Variants in CCDC93 observed in about 807,000 individuals in gnomAD.
The protein encoded by CCDC93 is coiled-coil domain-containing protein 93.
Under a neutral mutation model 108.2 loss-of-function variants are expected in CCDC93, and 61 were observed. That is an observed-to-expected ratio of 0.56 (90% CI 0.46 to 0.70). The LOEUF is 0.70. Ranked by LOEUF, CCDC93 falls within the 30% of genes least tolerant of loss-of-function variation. The probability of loss-of-function intolerance (pLI) is 0.00; values close to 1 mark genes in which losing one functional copy is unlikely to be tolerated. For synonymous variants in CCDC93, 276 were observed against 260.4 expected, an observed-to-expected ratio of 1.06 and a Z score of -0.58; for missense variants, 685 against 764.2, an observed-to-expected ratio of 0.90 and a Z score of 1.22.
intron 6 of CCDC93, among the ~76,000 whole-genome samples, chr2:117,986,948 C>G (rs768651244): frequency 6.6e-6 from 1 of 150,376 alleles, no homozygotes; most frequent in Non-Finnish European, 1.5e-5. Context: ...CTGAGCTCTA[C>G]TATTACAGCT....
chr2:118,010,317 T>C (rs1264765861), intron 1 of CCDC93, among the ~76,000 whole-genome samples: 1 of 152,190 alleles, frequency 6.6e-6, no homozygotes, highest in East Asian at 1.9e-4. Context: ...AATCTTTATC[T>C]AATACTTAAA....
At chr2:117,934,714 A>G (rs538852870) in intron 22 of CCDC93, 11 of 152,158 alleles carry the variant, frequency 7.2e-5, no homozygotes, top group Non-Finnish European at 1.5e-4. Context: ...ATGTGTTTAC[A>G]TTCTGGCATC....
rs1343245983 is a variant in CCDC93 at position 118,013,457 on chromosome 2, T to C, written c.42+497A>G. On this transcript the variant is annotated intron_variant, in intron 1 of 23. Transcript: ENST00000376300. ...TCCACGCAAGGAGGGTGGCATTCCC[T>C]CCCGACAGCAAGGCGGGTGGGGCGG... Among the ~76,000 whole-genome samples, 4 of 151,522 alleles carry C rather than the reference T, an allele frequency of 2.6e-5. No homozygotes were observed. In the East Asian group the frequency reaches 7.9e-4, roughly 30 times the overall value.
intron 11 of CCDC93, among the ~76,000 whole-genome samples, chr2:117,962,773 T>A (rs894080112): frequency 6.6e-6 from 1 of 152,252 alleles, no homozygotes; most frequent in Non-Finnish European, 1.5e-5. Flanking sequence ...AATCCAGGAA[T>A]GTATATGTAC....
At chr2:117,991,372 C>G (rs925752944) in intron 6 of CCDC93, among the ~76,000 whole-genome samples, 1 of 152,102 alleles carries the variant, frequency 6.6e-6, no homozygotes, top group African/African-American at 2.4e-5. Flanking sequence ...TCCCAGGGCC[C>G]TGAAGTAAGT....
Position 117,958,410 on chromosome 2 carries a change from A to T in CCDC93, c.960T>A (p.Ile320=). 1 of 1,613,850 alleles carries T rather than the reference A, an allele frequency of 6.2e-7. No homozygotes were observed. The highest frequency in any genetic ancestry group is 8.5e-7 in the Non-Finnish European group (1 of 1,179,724). ...TTTGCGCAATCTGTTTGTTCAAGGAAATGACTTTCCGGCGATGTAGCTGGG... is the reference window on the plus strand; with the variant it reads ...TTTGCGCAATCTGTTTGTTCAAGGATATGACTTTCCGGCGATGTAGCTGGG... ...GTSQLHRRKV[I]SLNKQIAQKT... Residue 320 remains isoleucine, a synonymous_variant, in exon 12 of 24, where the codon ATT becomes ATA. Transcript: ENST00000376300.
intron 11 of CCDC93, among the ~76,000 whole-genome samples, chr2:117,958,782 T>C (rs1286685816): frequency 6.6e-6 from 1 of 152,142 alleles, no homozygotes. Flanking sequence ...AAGTCTTAAA[T>C]AGGGGAATAA....
intron 15 of CCDC93, among the ~76,000 whole-genome samples, chr2:117,947,568 A>C (rs539181796): frequency 5.5e-4 from 83 of 152,248 alleles, no homozygotes; most frequent in Non-Finnish European, 9.0e-4. Context: ...CAAAAACTTC[A>C]TAAGACTTTT....
intron 6 of CCDC93, among the ~76,000 whole-genome samples, chr2:117,994,878 G>C (rs992520185): frequency 9.9e-5 from 15 of 152,220 alleles, no homozygotes; most frequent in Non-Finnish European, 1.9e-4. Context: ...TAGGAAGGCT[G>C]GGGGTGGAGG....
chr2:117,995,290 T>C, intron 6 of CCDC93, 156 bp downstream of exon 6: 1 of 680,294 alleles, frequency 1.5e-6, no homozygotes, highest in Non-Finnish European at 2.6e-6. Context: ...CCCTGAGCAG[T>C]AAAGCAGGCG....
At chr2:117,923,202 G>A (rs759473054) in intron 23 of CCDC93, among the ~76,000 whole-genome samples, 17 of 152,160 alleles carry the variant, frequency 1.1e-4, no homozygotes, top group African/African-American at 1.9e-4. Flanking sequence ...GGCAGAAGAC[G>A]GGTGATGTCT....
At chr2:118,001,622 T>C (rs184260400) in intron 3 of CCDC93, among the ~76,000 whole-genome samples, 35 of 85,898 alleles carry the variant, frequency 4.1e-4, no homozygotes, top group Admixed American at 1.7e-3. Flanking sequence ...CTTCCTCCTA[T>C]AGAAGACCAC....
At chr2:117,945,157 T>C (rs1678826510) in intron 17 of CCDC93, among the ~76,000 whole-genome samples, 1 of 152,220 alleles carries the variant, frequency 6.6e-6, no homozygotes, top group Non-Finnish European at 1.5e-5. Context: ...GAGTCTGGTA[T>C]ATAGTACAAC....
chr2:117,935,904 G>A (rs190152975), intron 21 of CCDC93: 246 of 201,306 alleles, frequency 1.2e-3, no homozygotes, highest in African/African-American at 5.5e-3. Flanking sequence ...TTTGAAATAC[G>A]GCATGTACTG....
chr2:118,013,073 G>T (rs1677061994), intron 1 of CCDC93: 1 of 152,220 alleles, frequency 6.6e-6, no homozygotes, highest in Admixed American at 6.5e-5. Context: ...AACTAGACTA[G>T]CCTTTGAGTA....
At chr2:118,001,275 C>T (rs1368558149) in intron 3 of CCDC93, 1 of 173,152 alleles carries the variant, frequency 5.8e-6, no homozygotes, top group Admixed American at 6.1e-5. Context: ...ATTAGTGCCC[C>T]GTATTCTTTT....
At chr2:117,949,640 C>T in intron 13 of CCDC93, 1 of 498,762 alleles carries the variant, frequency 2.0e-6, no homozygotes, top group Non-Finnish European at 2.6e-6. Context: ...CACCGTTTCT[C>T]CAAACCTACA....
chr2:117,966,515 C>G (rs1679580113), intron 11 of CCDC93, among the ~76,000 whole-genome samples: 1 of 152,132 alleles, frequency 6.6e-6, no homozygotes. Context: ...TTACTTGCAC[C>G]CAAAAGGCTT....
chr2:117,925,741 T>C (rs1484085731), intron 23 of CCDC93, among the ~76,000 whole-genome samples: 2 of 152,122 alleles, frequency 1.3e-5, no homozygotes, highest in Non-Finnish European at 2.9e-5. Context: ...TATCCAGGAA[T>C]TGAACTCAGC....
Sources: gnomAD v4.1 joint callset for allele counts (sites outside exome capture counted in the v4.1 genomes callset) on GRCh38, gnomAD v4.1.1 for gene constraint, MANE v1.5 for transcripts, NCBI Gene and HGNC (gene_info 2026-07-23, HGNC 2026-07-21) for gene names.